The following EHMT1 variants were observed in gnomAD, a reference collection of about 807,000 sequenced individuals.
EHMT1 encodes euchromatic histone lysine methyltransferase 1.
In EHMT1, 15 loss-of-function variants were observed where a neutral mutation model predicts 147.2. The ratio of observed to expected loss-of-function variants is 0.10; its 90% CI spans 0.07 to 0.16. EHMT1 has a LOEUF of 0.16. Among genes scored for constraint, EHMT1 ranks in the 10% least tolerant of loss-of-function variants. The pLI, the probability that EHMT1 is intolerant of heterozygous loss-of-function variation, is 1.00. For synonymous variants in EHMT1, 795 were observed against 709.6 expected, an observed-to-expected ratio of 1.12 and a Z score of -1.91; for missense variants, 1,587 against 1,772.4, an observed-to-expected ratio of 0.90 and a Z score of 1.88.
chr9:137,763,357 GT>G, intron 10 of EHMT1: 1 of 194,280 alleles, frequency 5.1e-6, no homozygotes, highest in East Asian at 1.2e-4. Flanking sequence ...AATTTCTCCA[GT>G]TCTTTTTAAC....
chr9:137,737,587 A>G (rs1947650482), intron 4 of EHMT1, among the ~76,000 whole-genome samples: 1 of 152,172 alleles, frequency 6.6e-6, no homozygotes, highest in Non-Finnish European at 1.5e-5. Context: ...AGGCTCCACA[A>G]CCTTGGATTT....
chr9:137,767,621 C>T (rs1453421193), intron 10 of EHMT1, among the ~76,000 whole-genome samples: 4 of 151,988 alleles, frequency 2.6e-5, no homozygotes, highest in African/African-American at 7.2e-5. Context: ...AAAACCAGCC[C>T]GGCCAACATG....
At chr9:137,619,432 G>A (rs1313414117) in intron 1 of EHMT1, among the ~76,000 whole-genome samples, 1 of 152,010 alleles carries the variant, frequency 6.6e-6, no homozygotes, top group Non-Finnish European at 1.5e-5. Flanking sequence ...AGGTGCGGAG[G>A]ACAAAAGGAA....
intron 1 of EHMT1, among the ~76,000 whole-genome samples, chr9:137,652,691 A>C (rs568787672): frequency 6.9e-6 from 1 of 144,768 alleles, no homozygotes; most frequent in Non-Finnish European, 1.5e-5. Context: ...TGGCTAGTGT[A>C]TCTTAGTTTT....
chr9:137,710,598 G>A (rs1467387886), intron 1 of EHMT1, among the ~76,000 whole-genome samples: 2 of 152,128 alleles, frequency 1.3e-5, no homozygotes, highest in South Asian at 2.1e-4. Flanking sequence ...TTTTGTAGGA[G>A]GTTGGACATT....
Position 137,813,664 on chromosome 9 carries a change from C to A in EHMT1, c.3180+134C>A. 2 of 1,299,974 alleles carry A rather than the reference C, an allele frequency of 1.5e-6. No individual in the cohort carries two copies. The highest frequency in any genetic ancestry group is 1.3e-5 in the South Asian group (1 of 78,938). 80.5% of individuals were successfully genotyped at this position (1,299,974 alleles called of 1,614,324 possible). A position where few individuals can be genotyped will look rare whatever the true frequency, so the allele number is the denominator to read the frequency against. ...GGGGGCTTCCCAGGAAGACCTCATTCTCTTTGTAGTTGCCTCCCGTGAAAG... is the reference window on the plus strand; with the variant it reads ...GGGGGCTTCCCAGGAAGACCTCATTATCTTTGTAGTTGCCTCCCGTGAAAG... On this transcript the variant is annotated intron_variant, in intron 21 of 26. Transcript: ENST00000460843. The surrounding 1 kb of genome is among the most constrained non-coding windows in gnomAD (Gnocchi z 4.9).
rs1022160968 is a variant in EHMT1, at chr9:137,684,800, A to C, written c.22-26167A>C. On this transcript the variant is annotated intron_variant, in intron 1 of 26. Transcript: ENST00000460843. ...GCCACCATACCCAGCGTACAAAGCC[A>C]TTCTTTTACTGAATTATGATATAAC... Among the ~76,000 whole-genome samples, 5 of 152,292 alleles carry C rather than the reference A, an allele frequency of 3.3e-5. No homozygotes were observed. The East Asian group carries it at 9.6e-4, about 29-fold the overall frequency.
chr9:137,717,315 G>GT (rs1945430212), intron 3 of EHMT1, 133 bp downstream of exon 3: 1 of 1,198,684 alleles, frequency 8.3e-7, no homozygotes, highest in Non-Finnish European at 1.2e-6. Flanking sequence ...TGAGGAGCTA[G>GT]GAGAAGGCCG....
chr9:137,754,615 C>T (rs1949233318), intron 8 of EHMT1, among the ~76,000 whole-genome samples: 1 of 151,994 alleles, frequency 6.6e-6, no homozygotes, highest in Non-Finnish European at 1.5e-5. Context: ...TGGGCTCAGG[C>T]GATCATCCTA....
chr9:137,787,591 A>G lies in EHMT1; in HGVS notation c.2383-3257A>G. 2 of 487,996 alleles carry G rather than the reference A, an allele frequency of 4.1e-6. No individual in the cohort carries two copies. Among genetic ancestry groups the G allele is most frequent in the South Asian group, 4.5e-5 (2 of 43,984 alleles). 30.2% of individuals were successfully genotyped at this position (487,996 alleles called of 1,614,324 possible). On this transcript the variant is annotated intron_variant, in intron 15 of 26. Transcript: ENST00000460843. This position sits in a 1 kb window ranked among gnomAD's most constrained non-coding sequence, Gnocchi z 4.2. Reference sequence around the variant, plus strand: ...TTCGAGGCTGCTGTGGTCGCAGACAACCGCCTCGCCTTGGCTCCCTGGCAA... The same window carrying G: ...TTCGAGGCTGCTGTGGTCGCAGACAGCCGCCTCGCCTTGGCTCCCTGGCAA...
At chr9:137,793,727 TG>T (rs1952696002) in intron 16 of EHMT1, among the ~76,000 whole-genome samples, 3 of 152,216 alleles carry the variant, frequency 2.0e-5, no homozygotes, top group Non-Finnish European at 2.9e-5. Flanking sequence ...AATGAAATTT[TG>T]ACCTATGAAC....
chr9:137,677,627 G>T (rs947530233), intron 1 of EHMT1, among the ~76,000 whole-genome samples: 1 of 151,908 alleles, frequency 6.6e-6, no homozygotes, highest in East Asian at 1.9e-4. Flanking sequence ...GGGTTTCATC[G>T]TGTTAGCCAG....
intron 10 of EHMT1, chr9:137,763,464 A>G (rs1416429255): frequency 1.8e-5 from 3 of 164,874 alleles, no homozygotes; most frequent in Non-Finnish European, 4.0e-5. Context: ...GAGGCACCAC[A>G]TGCAGTCACA....
chr9:137,778,984 A>G (rs1951171820), intron 13 of EHMT1, among the ~76,000 whole-genome samples: 1 of 152,110 alleles, frequency 6.6e-6, no homozygotes, highest in Admixed American at 6.5e-5. Context: ...GAACTGACTG[A>G]GCGGGAACTC....
At chr9:137,803,751 T>C (rs1204561991) in intron 18 of EHMT1, among the ~76,000 whole-genome samples, 4 of 150,850 alleles carry the variant, frequency 2.7e-5, no homozygotes, top group African/African-American at 9.8e-5. Flanking sequence ...CTCGGGAGGC[T>C]AAGGTGGGAA....
At chr9:137,686,730 CTTT>C (rs34204547) in intron 1 of EHMT1, among the ~76,000 whole-genome samples, 3 of 110,996 alleles carry the variant, frequency 2.7e-5, no homozygotes, top group Admixed American at 9.5e-5. Flanking sequence ...CTCATTCTTT[CTTT>C]TTTTTTTTTT....
chr9:137,682,044 G>A (rs916192661), intron 1 of EHMT1, among the ~76,000 whole-genome samples: 18 of 151,884 alleles, frequency 1.2e-4, no homozygotes, highest in East Asian at 1.9e-4. Flanking sequence ...TCTGCCTCCC[G>A]GATTCACACC....
At chr9:137,705,236 T>C (rs1944166807) in intron 1 of EHMT1, among the ~76,000 whole-genome samples, 1 of 152,166 alleles carries the variant, frequency 6.6e-6, no homozygotes, top group South Asian at 2.1e-4. Context: ...CAAGCAGTCC[T>C]CCTTCCTTGA....
chr9:137,729,940 A>G (rs951031605), intron 4 of EHMT1, among the ~76,000 whole-genome samples: 3 of 152,214 alleles, frequency 2.0e-5, no homozygotes, highest in African/African-American at 7.2e-5. Context: ...TTTAGGGCAA[A>G]GGACAAATAA....
Sources: gnomAD v4.1 joint callset for allele counts (sites outside exome capture counted in the v4.1 genomes callset) on GRCh38, gnomAD v4.1.1 for gene constraint, Gnocchi (gnomAD v3.1) non-coding constraint, MANE v1.5 for transcripts, NCBI Gene and HGNC (gene_info 2026-07-23, HGNC 2026-07-21) for gene names.